The following PRKG1 variants were observed in gnomAD, a reference collection of about 807,000 sequenced individuals.
PRKG1 encodes protein kinase cGMP-dependent 1, also known as cGMP-dependent protein kinase 1.
Under a neutral mutation model 88.1 loss-of-function variants are expected in PRKG1, and 35 were observed. That is an observed-to-expected ratio of 0.40 (90% CI 0.30 to 0.53). The LOEUF (loss-of-function observed/expected upper bound fraction) is 0.53. PRKG1 is among the 20% of genes least tolerant of loss of function. PRKG1 has a pLI of 0.59. For synonymous variants in PRKG1, 303 were observed against 292.5 expected (o/e 1.04, Z -0.37); for missense variants, 540 against 839.8 (o/e 0.64, Z 4.41).
At chr10:52,015,290 A>G (rs536678011) in intron 5 of PRKG1, among the ~76,000 whole-genome samples, 11 of 152,314 alleles carry the variant, frequency 7.2e-5, no homozygotes, top group African/African-American at 1.9e-4. Flanking sequence ...ACACAACACC[A>G]TGTGGAAGCT....
chr10:51,731,649 G>A (rs531798528), intron 3 of PRKG1, among the ~76,000 whole-genome samples: 2 of 152,210 alleles, frequency 1.3e-5, no homozygotes, highest in African/African-American at 2.4e-5. Flanking sequence ...AGTGTTTTTT[G>A]TGTATGTAAC....
chr10:51,953,534 C>T (rs1014163474), intron 5 of PRKG1, among the ~76,000 whole-genome samples: 3 of 152,040 alleles, frequency 2.0e-5, no homozygotes, highest in South Asian at 2.1e-4. Context: ...GACTACTGAC[C>T]GATGAAAAGG....
chr10:51,287,272 A>G (rs1221092485), intron 2 of PRKG1, among the ~76,000 whole-genome samples: 1 of 152,170 alleles, frequency 6.6e-6, no homozygotes, highest in Admixed American at 6.5e-5. Flanking sequence ...GTATTTACTG[A>G]GGGCCAGGTG....
At chr10:51,599,718 T>G (rs1052605514) in intron 3 of PRKG1, among the ~76,000 whole-genome samples, 1 of 152,186 alleles carries the variant, frequency 6.6e-6, no homozygotes, top group African/African-American at 2.4e-5. Context: ...TCTTTTACCA[T>G]TATAACCTTC....
intron 5 of PRKG1, among the ~76,000 whole-genome samples, chr10:52,021,104 T>C (rs968480308): frequency 3.9e-5 from 6 of 152,164 alleles, no homozygotes; most frequent in Non-Finnish European, 5.9e-5. Flanking sequence ...ACATGTTTTA[T>C]AGGCTGATGT....
intron 1 of PRKG1, among the ~76,000 whole-genome samples, chr10:51,023,058 G>A (rs990605461): frequency 6.6e-6 from 1 of 152,180 alleles, no homozygotes; most frequent in African/African-American, 2.4e-5. Context: ...CAGATAGCTG[G>A]TAAGGCAGCC....
chr10:51,888,513 T>C (rs1841630762), intron 4 of PRKG1, among the ~76,000 whole-genome samples: 1 of 152,200 alleles, frequency 6.6e-6, no homozygotes, highest in Non-Finnish European at 1.5e-5. Flanking sequence ...ATGGGACTTT[T>C]ATAGGCTGAT....
At chr10:52,260,124 C>G (rs1259483992) in intron 10 of PRKG1, among the ~76,000 whole-genome samples, 1 of 151,918 alleles carries the variant, frequency 6.6e-6, no homozygotes, top group Non-Finnish European at 1.5e-5. Flanking sequence ...TCCCATTCCC[C>G]CAGCCCTGTC....
chr10:51,270,800 A>G (rs922762181), intron 2 of PRKG1, among the ~76,000 whole-genome samples: 13 of 152,174 alleles, frequency 8.5e-5, no homozygotes, highest in African/African-American at 2.9e-4. Flanking sequence ...TTGTCATGAA[A>G]CTGAGAAAAC....
intron 1 of PRKG1, among the ~76,000 whole-genome samples, chr10:51,006,648 A>G (rs922341162): frequency 1.3e-5 from 2 of 151,836 alleles, no homozygotes; most frequent in African/African-American, 4.8e-5. Context: ...TTTAGGACTT[A>G]TTTTCCTTTC....
At chr10:52,051,293 G>A (rs116272965) in intron 5 of PRKG1, among the ~76,000 whole-genome samples, 1 of 152,034 alleles carries the variant, frequency 6.6e-6, no homozygotes, top group Non-Finnish European at 1.5e-5. Flanking sequence ...CAAAATAATT[G>A]TATATTCACT....
At chr10:52,245,754 TTTATTTATTTATTTATTTATTTA>T (rs1564530735) in intron 9 of PRKG1, among the ~76,000 whole-genome samples, 1 of 4,764 alleles carries the variant, frequency 2.1e-4, no homozygotes, top group African/African-American at 3.2e-4. Context: ...CACCATTTTA[TTTATTTATTTATTTATTTATTTA>T]TTTATTTATT....
chr10:52,074,740 T>C (rs1397641266), intron 7 of PRKG1, among the ~76,000 whole-genome samples: 1 of 152,194 alleles, frequency 6.6e-6, no homozygotes, highest in Non-Finnish European at 1.5e-5. Flanking sequence ...AAGATTTTAA[T>C]TGGCTAGATT....
Position 51,772,853 on chromosome 10 carries a change from CT to C in PRKG1, c.593-31728del, listed in dbSNP as rs1464495049. ...AATGGAGATTGATGGCTAAAACTTC[CT>C]TTTCTCAGTAATGTAAAGTGATTGA... On this transcript the variant is annotated intron_variant, in intron 3 of 17. Coordinates refer to ENST00000373980, the MANE Select transcript of PRKG1 (RefSeq NM_006258.4). 5.9e-5 allele frequency among the ~76,000 whole-genome samples: 9 copies of C among 152,064 alleles called. No individual in the cohort carries two copies. In the East Asian group the frequency reaches 1.5e-3, roughly 26 times the overall value.
At chr10:52,062,243 C>T (rs1846254432) in intron 6 of PRKG1, among the ~76,000 whole-genome samples, 2 of 151,966 alleles carry the variant, frequency 1.3e-5, no homozygotes, top group South Asian at 4.2e-4. Flanking sequence ...ATAGTGGTTG[C>T]TTCATAAAGG....
intron 2 of PRKG1, among the ~76,000 whole-genome samples, chr10:51,167,107 A>T (rs753263788): frequency 1.3e-5 from 2 of 152,184 alleles, no homozygotes; most frequent in Non-Finnish European, 2.9e-5. Flanking sequence ...GCAGGGGAAA[A>T]AGATAAAACT....
intron 3 of PRKG1, among the ~76,000 whole-genome samples, chr10:51,718,369 T>C (rs1222418528): frequency 1.3e-5 from 2 of 152,102 alleles, no homozygotes; most frequent in African/African-American, 4.8e-5. Context: ...CAGGCCAGTG[T>C]GGCTATGCTA....
At chr10:51,296,400 A>G (rs932667062) in intron 2 of PRKG1, among the ~76,000 whole-genome samples, 1 of 152,064 alleles carries the variant, frequency 6.6e-6, no homozygotes, top group Non-Finnish European at 1.5e-5. Flanking sequence ...TTCTTGATTC[A>G]GCTTCAATAA....
chr10:51,981,280 T>A (rs572166400), intron 5 of PRKG1, among the ~76,000 whole-genome samples: 2 of 152,258 alleles, frequency 1.3e-5, no homozygotes, highest in African/African-American at 4.8e-5. Context: ...GGGTTGGAAT[T>A]TCTTTTCTTT....
Sources: gnomAD v4.1 joint callset for allele counts (sites outside exome capture counted in the v4.1 genomes callset) on GRCh38, gnomAD v4.1.1 for gene constraint, MANE v1.5 for transcripts, NCBI Gene and HGNC (gene_info 2026-07-23, HGNC 2026-07-21) for gene names.